Variants in CADM1 observed in about 807,000 individuals in gnomAD.
CADM1 encodes the protein cell adhesion molecule 1.
In CADM1, 15 loss-of-function variants were observed where a neutral mutation model predicts 53.1. That is an observed-to-expected ratio of 0.28 (90% CI 0.19 to 0.44). The LOEUF (loss-of-function observed/expected upper bound fraction) is 0.44. CADM1 is among the 20% of genes least tolerant of loss of function. The probability of loss-of-function intolerance (pLI) is 1.00; values close to 1 mark genes in which losing one functional copy is unlikely to be tolerated. For missense variants in CADM1, 434 were observed against 611.3 expected (o/e 0.71, Z 3.06); for synonymous variants, 281 against 243.0 (o/e 1.16, Z -1.45).
intron 1 of CADM1, among the ~76,000 whole-genome samples, chr11:115,459,031 T>C (rs368754775): frequency 1.3e-5 from 2 of 152,310 alleles, no homozygotes; most frequent in South Asian, 4.1e-4. Context: ...GAGCAACATG[T>C]GCATGGATTC....
chr11:115,192,459 T>C (rs1262135489), intron 9 of CADM1, among the ~76,000 whole-genome samples: 2 of 152,372 alleles, frequency 1.3e-5, no homozygotes, highest in Admixed American at 6.5e-5. Flanking sequence ...ATCTGATTGG[T>C]TGACAATATT....
chr11:115,444,144 A>T (rs1012402558), intron 1 of CADM1, among the ~76,000 whole-genome samples: 1 of 152,180 alleles, frequency 6.6e-6, no homozygotes, highest in African/African-American at 2.4e-5. Flanking sequence ...AGAAAACCAA[A>T]GTAAATCCCA....
At chr11:115,368,012 T>C (rs1946212096) in intron 1 of CADM1, among the ~76,000 whole-genome samples, 1 of 151,548 alleles carries the variant, frequency 6.6e-6, no homozygotes, top group African/African-American at 2.4e-5. Context: ...TGGCATATTA[T>C]AGAACATATT....
At chr11:115,432,224 C>T (rs958051837) in intron 1 of CADM1, among the ~76,000 whole-genome samples, 2 of 152,092 alleles carry the variant, frequency 1.3e-5, no homozygotes, top group Admixed American at 6.5e-5. Flanking sequence ...GGATTACAGG[C>T]GTGAGCCACC....
chr11:115,321,533 G>A (rs578232312), intron 1 of CADM1, among the ~76,000 whole-genome samples: 131 of 152,210 alleles, frequency 8.6e-4, no homozygotes, highest in African/African-American at 3.0e-3. Flanking sequence ...CAGATTACAC[G>A]AAAGAATACT....
At chr11:115,488,399 G>C (rs1216850991) in intron 1 of CADM1, among the ~76,000 whole-genome samples, 9 of 152,138 alleles carry the variant, frequency 5.9e-5, no homozygotes, top group Admixed American at 2.0e-4. Context: ...ATAATGTCAG[G>C]AAGTTAGAGT....
chr11:115,386,644 T>G (rs1946705543), intron 1 of CADM1, among the ~76,000 whole-genome samples: 1 of 152,190 alleles, frequency 6.6e-6, no homozygotes, highest in Admixed American at 6.5e-5. Flanking sequence ...ACACTTCTAT[T>G]ATAACCTATT....
chr11:115,357,528 T>C (rs1308895800), intron 1 of CADM1, among the ~76,000 whole-genome samples: 1 of 152,176 alleles, frequency 6.6e-6, no homozygotes, highest in Non-Finnish European at 1.5e-5. Flanking sequence ...TTTCAATCAG[T>C]CAGCCTTGAT....
chr11:115,395,119 A>C (rs1004542706), intron 1 of CADM1, among the ~76,000 whole-genome samples: 1 of 152,182 alleles, frequency 6.6e-6, no homozygotes, highest in African/African-American at 2.4e-5. Context: ...GTATATTAGA[A>C]TCACTTAAAG....
chr11:115,493,875 G>A (rs1436959359), intron 1 of CADM1, among the ~76,000 whole-genome samples: 1 of 152,134 alleles, frequency 6.6e-6, no homozygotes, highest in Non-Finnish European at 1.5e-5. Context: ...CAGGTGGCAA[G>A]CAGGGTAATG....
chr11:115,343,911 T>A (rs1033358799), intron 1 of CADM1, among the ~76,000 whole-genome samples: 1 of 152,152 alleles, frequency 6.6e-6, no homozygotes, highest in African/African-American at 2.4e-5. Context: ...ATATTCTATA[T>A]AATCTCAAAA....
chr11:115,224,081 G>T (rs1941509908), intron 5 of CADM1, among the ~76,000 whole-genome samples: 1 of 151,920 alleles, frequency 6.6e-6, no homozygotes, highest in African/African-American at 2.4e-5. Context: ...GAATTGATGA[G>T]GGAGAGGATT....
intron 1 of CADM1, among the ~76,000 whole-genome samples, chr11:115,394,861 A>C (rs2027900): frequency 6.6e-6 from 1 of 152,194 alleles, no homozygotes. Flanking sequence ...AAATAAAAAA[A>C]CAAAACAAAA....
At chr11:115,393,573 T>G (rs1436657597) in intron 1 of CADM1, among the ~76,000 whole-genome samples, 5 of 144,130 alleles carry the variant, frequency 3.5e-5, no homozygotes, top group East Asian at 2.0e-4. Context: ...AAAAAAAACA[T>G]AGAGGTAGCA....
intron 1 of CADM1, among the ~76,000 whole-genome samples, chr11:115,463,400 T>C (rs937213779): frequency 6.6e-6 from 1 of 152,214 alleles, no homozygotes; most frequent in East Asian, 1.9e-4. Context: ...AATAATTTCT[T>C]AGGTGCCATT....
intron 1 of CADM1, among the ~76,000 whole-genome samples, chr11:115,279,758 T>C (rs984193164): frequency 6.6e-6 from 1 of 152,190 alleles, no homozygotes. Flanking sequence ...AAAAAATATA[T>C]GTAATTTTTC....
intron 1 of CADM1, among the ~76,000 whole-genome samples, chr11:115,308,603 T>C (rs1039917826): frequency 1.3e-5 from 2 of 152,068 alleles, no homozygotes; most frequent in Non-Finnish European, 2.9e-5. Context: ...TTTCACATTT[T>C]AGTTTTCTCG....
intron 1 of CADM1, among the ~76,000 whole-genome samples, chr11:115,340,519 GAAAA>G (rs1156429500): frequency 1.9e-5 from 1 of 52,678 alleles, no homozygotes; most frequent in Non-Finnish European, 3.8e-5. Context: ...GTTGTGGAAA[GAAAA>G]AAAAAAAAAA....
intron 1 of CADM1, among the ~76,000 whole-genome samples, chr11:115,307,070 C>G (rs1050857917): frequency 6.6e-6 from 1 of 151,854 alleles, no homozygotes; most frequent in Non-Finnish European, 1.5e-5. Flanking sequence ...CAAATAGTTA[C>G]AGTATTTCAG....
Sources: gnomAD v4.1 joint callset for allele counts (sites outside exome capture counted in the v4.1 genomes callset) on GRCh38, gnomAD v4.1.1 for gene constraint, MANE v1.5 for transcripts, NCBI Gene and HGNC (gene_info 2026-07-23, HGNC 2026-07-21) for gene names.